Variants in OPCML observed in about 807,000 individuals in gnomAD.
OPCML encodes the protein opioid binding protein/cell adhesion molecule like, also known as opioid-binding protein/cell adhesion molecule.
OPCML carries 13 observed loss-of-function variants against 37.8 expected under a neutral mutation model. The observed-to-expected ratio is 0.34, with a 90% CI of 0.22 to 0.55. The LOEUF is 0.55. Ranked by LOEUF, OPCML falls within the 20% of genes least tolerant of loss-of-function variation. The pLI, the probability that OPCML is intolerant of heterozygous loss-of-function variation, is 0.91. For missense variants in OPCML, 341 were observed against 435.6 expected (o/e 0.78, Z 1.93); for synonymous variants, 176 against 168.8 (o/e 1.04, Z -0.33).
chr11:132,779,663 A>G (rs886157683), intron 2 of OPCML, among the ~76,000 whole-genome samples: 3 of 152,230 alleles, frequency 2.0e-5, no homozygotes, highest in African/African-American at 7.2e-5. Flanking sequence ...GACTCTCTGC[A>G]TGCTTTCAGC....
intron 2 of OPCML, among the ~76,000 whole-genome samples, chr11:132,832,212 C>A (rs1356101898): frequency 6.8e-6 from 1 of 147,744 alleles, no homozygotes; most frequent in South Asian, 2.2e-4. Context: ...CATGTTCCTT[C>A]CCAACCTCTT....
intron 1 of OPCML, among the ~76,000 whole-genome samples, chr11:133,467,086 C>A (rs926770817): frequency 6.6e-6 from 1 of 152,184 alleles, no homozygotes; most frequent in Non-Finnish European, 1.5e-5. Context: ...CATGAATTAA[C>A]CCACTGCTCT....
intron 1 of OPCML, among the ~76,000 whole-genome samples, chr11:133,191,220 A>G (rs1296501766): frequency 1.3e-5 from 2 of 152,094 alleles, no homozygotes. Context: ...TTCCCTAATG[A>G]TCAGTGATGA....
chr11:132,707,267 A>G (rs1944071199), intron 2 of OPCML, among the ~76,000 whole-genome samples: 1 of 152,218 alleles, frequency 6.6e-6, no homozygotes, highest in Non-Finnish European at 1.5e-5. Context: ...GCCAAGGCCC[A>G]ATAGAATGCC....
chr11:133,403,620 C>T (rs371434638), intron 1 of OPCML, among the ~76,000 whole-genome samples: 51 of 152,220 alleles, frequency 3.4e-4, no homozygotes, highest in East Asian at 7.7e-4. Context: ...CCTTTTATGG[C>T]GACCTCCTTT....
At chr11:133,015,256 A>G (rs1373237156) in intron 1 of OPCML, among the ~76,000 whole-genome samples, 3 of 150,762 alleles carry the variant, frequency 2.0e-5, no homozygotes, top group Admixed American at 1.3e-4. Context: ...GATGTAAATC[A>G]TCAGTGTTTT....
intron 1 of OPCML, among the ~76,000 whole-genome samples, chr11:133,267,409 A>G (rs1941693906): frequency 6.6e-6 from 1 of 152,134 alleles, no homozygotes; most frequent in African/African-American, 2.4e-5. Context: ...CAGTTTTCTC[A>G]CTTGTAAGAT....
Position 133,135,723 on chromosome 11 carries a change from C to A in OPCML, c.62-192713G>T, listed in dbSNP as rs568758913. Among the ~76,000 whole-genome samples the A allele has an allele frequency of 3.9e-5, 6 of 152,276 alleles. No homozygotes were observed. The South Asian group carries it at 1.2e-3, about 32-fold the overall frequency. ...TGGAGTTAACATTCCCACTAGAATG[C>A]GTTGGAGTGTCTATGTGCAGGATCC... is the stretch of plus-strand genomic sequence containing the variant. On this transcript the variant is annotated intron_variant, in intron 1 of 7. Coordinates refer to ENST00000524381, the MANE Select transcript of OPCML (RefSeq NM_001012393.5).
chr11:132,502,304 CT>C, intron 4 of OPCML, among the ~76,000 whole-genome samples: 1 of 152,232 alleles, frequency 6.6e-6, no homozygotes, highest in Non-Finnish European at 1.5e-5. Context: ...TTTACTTTCT[CT>C]TTTTTCTGGT....
At chr11:132,595,761 G>A (rs559564467) in intron 3 of OPCML, among the ~76,000 whole-genome samples, 7 of 152,304 alleles carry the variant, frequency 4.6e-5, no homozygotes, top group South Asian at 4.1e-4. Context: ...TCAGGAGGAC[G>A]TGGCAGAGGC....
intron 1 of OPCML, among the ~76,000 whole-genome samples, chr11:132,951,461 C>G (rs1017781844): frequency 6.6e-6 from 1 of 152,184 alleles, no homozygotes; most frequent in Non-Finnish European, 1.5e-5. Flanking sequence ...CCTTCTGACC[C>G]CTTTAACTTT....
At chr11:132,550,345 G>T (rs1346831141) in intron 3 of OPCML, among the ~76,000 whole-genome samples, 3 of 152,104 alleles carry the variant, frequency 2.0e-5, no homozygotes, top group Non-Finnish European at 4.4e-5. Context: ...ATAGTTTAGC[G>T]CCATTCCCTC....
intron 1 of OPCML, among the ~76,000 whole-genome samples, chr11:133,201,350 ATATTT>A (rs1938780021): frequency 6.6e-6 from 1 of 151,384 alleles, no homozygotes; most frequent in African/African-American, 2.4e-5. Flanking sequence ...GCATGGAAGT[ATATTT>A]TATGCCTTTT....
chr11:133,439,465 T>G, intron 1 of OPCML: 1 of 983,598 alleles, frequency 1.0e-6, no homozygotes, highest in Non-Finnish European at 1.2e-6. Flanking sequence ...TTTTTCTTTG[T>G]TTTTGTTTTT....
intron 3 of OPCML, among the ~76,000 whole-genome samples, chr11:132,603,041 C>A (rs1269306809): frequency 6.6e-6 from 1 of 152,188 alleles, no homozygotes; most frequent in Non-Finnish European, 1.5e-5. Flanking sequence ...CTCATTTCTA[C>A]AAAACTTGTA....
intron 3 of OPCML, among the ~76,000 whole-genome samples, chr11:132,535,339 G>T (rs1315749383): frequency 6.6e-6 from 1 of 151,986 alleles, no homozygotes; most frequent in African/African-American, 2.4e-5. Context: ...TTTTCTTTTA[G>T]GGGGTGTCTG....
chr11:132,947,263 A>T (rs1431231367), intron 1 of OPCML, among the ~76,000 whole-genome samples: 2 of 152,342 alleles, frequency 1.3e-5, no homozygotes, highest in African/African-American at 2.4e-5. Flanking sequence ...GCAAGTAAAG[A>T]AGAGCAGCAG....
At chr11:133,041,107 G>A (rs1374584258) in intron 1 of OPCML, among the ~76,000 whole-genome samples, 1 of 152,130 alleles carries the variant, frequency 6.6e-6, no homozygotes, top group Non-Finnish European at 1.5e-5. Context: ...TAATCCCCAA[G>A]CATTTTTTAG....
Position 133,206,200 on chromosome 11 carries a change from GTCA to G in OPCML, c.62-263193_62-263191del, listed in dbSNP as rs1029788404. ...AACTGCTTCCCATGGTGCCTAAAACGTCATCAATGCTCAATGAATGCGAGCAGT... is the reference window on the plus strand; with the variant it reads ...AACTGCTTCCCATGGTGCCTAAAACGTCAATGCTCAATGAATGCGAGCAGT... On this transcript the variant is annotated intron_variant, in intron 1 of 7. Transcript: ENST00000524381. The surrounding 1 kb of genome is among the most constrained non-coding windows in gnomAD (Gnocchi z 4.7). Among the ~76,000 whole-genome samples the G allele has an allele frequency of 5.9e-5, 9 of 152,110 alleles. No individual in the cohort carries two copies. The highest frequency in any genetic ancestry group is 1.2e-4 in the Non-Finnish European group (8 of 68,034).
Sources: allele counts gnomAD v4.1 joint callset (sites outside exome capture counted in the v4.1 genomes callset), GRCh38; gene constraint gnomAD v4.1.1; non-coding constraint Gnocchi (gnomAD v3.1); transcripts MANE v1.5; gene names NCBI Gene and HGNC (gene_info 2026-07-23, HGNC 2026-07-21).